ABCC10: variants seen among roughly 807,000 people sequenced by gnomAD.
ABCC10 encodes ATP-binding cassette sub-family C member 10.
Under a neutral mutation model 143.2 loss-of-function variants are expected in ABCC10, and 110 were observed. That is an observed-to-expected ratio of 0.77 (90% CI 0.66 to 0.90). ABCC10 has a LOEUF of 0.90. ABCC10 is among the 40% of genes least tolerant of loss of function. ABCC10 has a pLI of 0.00. For synonymous variants in ABCC10, 805 were observed against 846.7 expected (o/e 0.95, Z 0.85); for missense variants, 1,700 against 1,900.5 (o/e 0.89, Z 1.96).
Position 43,445,889 on chromosome 6 carries a change from G to A in ABCC10, c.3321G>A (p.Leu1107=), listed in dbSNP as rs746755556. ...CCCTGTCTCCACTGTATAGCCATCT[G>A]GCCGATACCTTGGCTGGCCTCTCTG... ...SLTLSPLYSH[L]ADTLAGLSVL... is the part of the protein sequence containing the mutation. Residue 1107 remains leucine, a synonymous_variant, in exon 15 of 22, where the codon CTG becomes CTA. Coordinates refer to ENST00000372530, the MANE Select transcript of ABCC10 (RefSeq NM_001198934.2). The A allele has an allele frequency of 1.2e-5, 20 of 1,613,882 alleles. No individual in the cohort carries two copies. Among genetic ancestry groups the A allele is most frequent in the South Asian group, 4.4e-5 (4 of 91,084 alleles).
chr6:43,433,824 G>T (rs772133583), intron 3 of ABCC10, among the ~76,000 whole-genome samples: 1 of 152,234 alleles, frequency 6.6e-6, no homozygotes, highest in Non-Finnish European at 1.5e-5. Context: ...AACCTCAGCT[G>T]CCTCTTTGGG....
chr6:43,439,217 T>C (rs185018088), intron 8 of ABCC10, among the ~76,000 whole-genome samples: 49 of 152,212 alleles, frequency 3.2e-4, no homozygotes, highest in Admixed American at 2.9e-3. Context: ...ACTATATTTA[T>C]AGGAGAAGAG....
chr6:43,439,047 A>G (rs1011797800), intron 8 of ABCC10, among the ~76,000 whole-genome samples: 1 of 152,010 alleles, frequency 6.6e-6, no homozygotes, highest in Non-Finnish European at 1.5e-5. Context: ...GGAGGGTTCC[A>G]CCTGTGGGGC....
At chr6:43,449,567 G>T in intron 21 of ABCC10, 33 bp downstream of exon 21, 1 of 1,571,344 alleles carries the variant, frequency 6.4e-7, no homozygotes, top group East Asian at 2.2e-5. Context: ...CCTAATCAGG[G>T]ACTGTGGTAG....
At chr6:43,433,428 C>A in intron 3 of ABCC10, 68 bp downstream of exon 3, 1 of 1,506,906 alleles carries the variant, frequency 6.6e-7, no homozygotes, top group South Asian at 1.3e-5. Context: ...CAGGTCTTCC[C>A]ATGCACACTA....
intron 2 of ABCC10, among the ~76,000 whole-genome samples, chr6:43,429,371 C>T (rs866302339): frequency 2.5e-5 from 2 of 79,526 alleles, no homozygotes; most frequent in East Asian, 2.7e-4. Context: ...TCTTTTCTTT[C>T]TTGTGTGTGT....
downstream of ABCC10, chr6:43,450,994 C>T (rs35283134): frequency 9.3e-6 from 15 of 1,613,986 alleles, no homozygotes; most frequent in African/African-American, 2.7e-5. The surrounding 1 kb of genome is among the most constrained non-coding windows in gnomAD (Gnocchi z 4.5). Flanking sequence ...CAGTCGAAGT[C>T]GTGGACACGG....
intron 4 of ABCC10, 143 bp from the exon 5 acceptor site, chr6:43,435,608 C>T (rs1276382478): frequency 3.2e-6 from 3 of 937,014 alleles, no homozygotes; most frequent in Non-Finnish European, 4.7e-6. Context: ...ATCTCTGCCA[C>T]ATCTGATCCC....
At chr6:43,449,361 G>A (rs549658690) in intron 20 of ABCC10, 61 bp from the exon 21 acceptor site, 13 of 1,536,772 alleles carry the variant, frequency 8.5e-6, no homozygotes, top group Middle Eastern at 3.5e-4. Flanking sequence ...CTTGGGCCAG[G>A]CCCAACCCAC....
At chr6:43,439,543 C>T (rs561173173) in intron 8 of ABCC10, among the ~76,000 whole-genome samples, 69 of 152,194 alleles carry the variant, frequency 4.5e-4, no homozygotes, top group African/African-American at 1.6e-3. Context: ...GCTGGGACTA[C>T]AGGAGTGAGC....
intron 8 of ABCC10, among the ~76,000 whole-genome samples, chr6:43,441,019 C>G (rs530884307): frequency 5.0e-4 from 76 of 152,202 alleles, no homozygotes; most frequent in African/African-American, 1.1e-3. Context: ...AGGAGAATTG[C>G]ATGAACCCGA....
At chr6:43,442,845 C>A in intron 9 of ABCC10, 125 bp from the exon 10 acceptor site, 1 of 855,726 alleles carries the variant, frequency 1.2e-6, no homozygotes, top group Non-Finnish European at 1.7e-6. Flanking sequence ...CAGGTCTCAC[C>A]TCCTTCTCTG....
intron 4 of ABCC10, 57 bp from the exon 5 acceptor site, chr6:43,435,694 A>G (rs943414517): frequency 2.1e-5 from 34 of 1,583,770 alleles, no homozygotes; most frequent in Non-Finnish European, 2.9e-5. Context: ...AGGGCTTCCC[A>G]TAGAAACAGG....
chr6:43,434,735 A>G lies in ABCC10; in HGVS notation c.1495A>G (p.Ile499Val), dbSNP rs1179574764. 16 of 1,614,100 alleles carry G rather than the reference A, an allele frequency of 9.9e-6. No individual in the cohort carries two copies. Among genetic ancestry groups the G allele is most frequent in the African/African-American group, 1.3e-5 (1 of 74,924 alleles). ...TCGAGAGCTGGGGCGACTCCGGGTC[A>G]TCAAATACCTGGATGCGGCCTGTGT... Reference protein sequence around the residue: ...RARELGRLRVIKYLDAACVYL... With the variant: ...RARELGRLRVVKYLDAACVYL... Residue 499 changes from isoleucine (I) to valine (V), a missense_variant, in exon 4 of 22, where the codon ATC becomes GTC. Physicochemically the swap from Ile to Val is conservative, Grantham distance 29. Coordinates refer to ENST00000372530, the MANE Select transcript of ABCC10 (RefSeq NM_001198934.2).
At chr6:43,431,966 G>T in intron 2 of ABCC10, 176 bp from the exon 3 acceptor site, 13 of 1,427,116 alleles carry the variant, frequency 9.1e-6, no homozygotes, top group Non-Finnish European at 1.1e-5. Context: ...AGGTTCATCT[G>T]GGAAGACTTC....
chr6:43,433,033 A>G lies in ABCC10; in HGVS notation c.1053A>G (p.Val351=), dbSNP rs1581709789. 6.2e-7 allele frequency: 1 copy of G among 1,614,104 alleles called. No homozygotes were observed. Among genetic ancestry groups the G allele is most frequent in the East Asian group, 2.2e-5 (1 of 44,868 alleles). The change falls in exon 3 of 22, where the codon GTA becomes GTG. Residue 351 remains valine, a synonymous_variant. Coordinates refer to ENST00000372530, the MANE Select transcript of ABCC10 (RefSeq NM_001198934.2). The stretch of plus-strand genomic sequence containing the variant: ...AGTATGGGTATGAGGTATATAAGGT[A>G]ACACTTCAGGCACGGGGGGCTGTGC... ...QNQYGYEVYK[V]TLQARGAVLN...
chr6:43,434,642 G>A lies in ABCC10; in HGVS notation c.1402G>A (p.Gly468Ser), dbSNP rs972981096. 4 of 1,613,974 alleles carry A rather than the reference G, an allele frequency of 2.5e-6. No homozygotes were observed. The highest frequency in any genetic ancestry group is 3.4e-6 in the Non-Finnish European group (4 of 1,179,906). ...CTAGCTTGTGACAGAGCTGCTGAGT[G>A]GCATTCGGGTCATCAAGTTCTGCGG... ...RVKLVTELLSGIRVIKFCGWE... is the reference protein window; with the variant it reads ...RVKLVTELLSSIRVIKFCGWE... Residue 468 changes from glycine (G) to serine (S), a missense_variant, in exon 4 of 22, where the codon GGC becomes AGC. Transcript: ENST00000372530.
chr6:43,435,750 G>A lies in ABCC10; in HGVS notation c.1609-1G>A, dbSNP rs769624424. 3 of 1,614,064 alleles carry A rather than the reference G, an allele frequency of 1.9e-6. No homozygotes were observed. Among genetic ancestry groups the A allele is most frequent in the Non-Finnish European group, 2.5e-6 (3 of 1,179,946 alleles). ...CTTCACCCTGCACCCACCTCACTCA[G>A]GTGTTCACGGCCCTGGCACTGGTGC... On this transcript the variant is annotated splice_acceptor_variant, in intron 4 of 21. Coordinates refer to ENST00000372530, the MANE Select transcript of ABCC10 (RefSeq NM_001198934.2). LOFTEE classifies it high-confidence loss of function.
chr6:43,446,552 G>T, intron 16 of ABCC10, 106 bp downstream of exon 16: 1 of 1,455,386 alleles, frequency 6.9e-7, no homozygotes, highest in Non-Finnish European at 9.1e-7. Flanking sequence ...CCCACCCAGG[G>T]TTCCCTGTGA....
Sources: allele counts gnomAD v4.1 joint callset (sites outside exome capture counted in the v4.1 genomes callset), GRCh38; gene constraint gnomAD v4.1.1; non-coding constraint Gnocchi (gnomAD v3.1); transcripts MANE v1.5; gene names NCBI Gene and HGNC (gene_info 2026-07-23, HGNC 2026-07-21).